The following TRRAP variants were observed in gnomAD, a reference collection of about 807,000 sequenced individuals.
TRRAP encodes the protein transformation/transcription domain associated protein.
A neutral mutation model predicts 438.8 loss-of-function variants in TRRAP; 41 were observed. The observed-to-expected ratio is 0.09, with a 90% CI of 0.07 to 0.12. TRRAP has a LOEUF of 0.12. TRRAP is among the 10% of genes least tolerant of loss of function. TRRAP has a pLI of 1.00. For synonymous variants in TRRAP, 1,994 were observed against 1,962.9 expected, an observed-to-expected ratio of 1.02 and a Z score of -0.42; for missense variants, 3,122 against 5,055.1, an observed-to-expected ratio of 0.62 and a Z score of 11.60.
intron 3 of TRRAP, among the ~76,000 whole-genome samples, chr7:98,886,389 T>G (rs112422605): frequency 3.3e-5 from 5 of 151,362 alleles, no homozygotes; most frequent in East Asian, 1.9e-4. Context: ...TCTAGAGAGA[T>G]AGAGATAGAT....
In TRRAP at chr7:98,921,918, G is replaced by C. The variant is rs1230247284; in HGVS notation, c.2788G>C (p.Asp930His). The stretch of plus-strand genomic sequence containing the variant: ...CCCCAGCATCACTGTGGAGTTTTCC[G>C]ACTGCAAAGCTTCTCTCCAGCTCCC... The part of the protein sequence containing the change: ...QGPSITVEFS[D>H]CKASLQLPME... Residue 930 changes from aspartate (D) to histidine (H), a missense_variant, in exon 21 of 73, where the codon GAC becomes CAC. This residue lies in a region of TRRAP where 133 missense variants were observed against 188.6 expected (regional missense o/e 0.71). Transcript: ENST00000456197. 3 of 1,614,078 alleles carry C rather than the reference G, an allele frequency of 1.9e-6. No individual in the cohort carries two copies. The highest frequency in any genetic ancestry group is 1.7e-6 in the Non-Finnish European group (2 of 1,180,048).
intron 14 of TRRAP, 57 bp downstream of exon 14, chr7:98,909,019 A>G: frequency 9.2e-7 from 1 of 1,091,048 alleles, no homozygotes; most frequent in Non-Finnish European, 1.3e-6. Context: ...TTGTGGCTAA[A>G]TTTTTTTTTT....
chr7:98,983,556 T>A, intron 60 of TRRAP, 97 bp downstream of exon 60: 1 of 1,385,624 alleles, frequency 7.2e-7, no homozygotes. Flanking sequence ...TTTGGTTTGG[T>A]TTTTTTTTCC....
chr7:98,917,818 G>C, intron 20 of TRRAP, 139 bp downstream of exon 20: 1 of 1,249,318 alleles, frequency 8.0e-7, no homozygotes, highest in East Asian at 2.6e-5. Flanking sequence ...GAGTCTTCTG[G>C]TGGATTGAAA....
At position 98,903,393 on chromosome 7, in the gene TRRAP, G is replaced by A. The variant is rs1562933328; in HGVS notation, c.912G>A (p.Lys304=). Residue 304 remains lysine, a synonymous_variant, in exon 12 of 73, where the codon AAG becomes AAA. Transcript: ENST00000456197. ...IIRIYQELVT[K]YSQQMVKGML... ...TGTTCTTACAGGAGTTGGTGACTAAGTATTCTCAGCAGATGGTGAAAGGAA... is the reference window on the plus strand; with the variant it reads ...TGTTCTTACAGGAGTTGGTGACTAAATATTCTCAGCAGATGGTGAAAGGAA... 1 of 1,614,220 alleles carries A rather than the reference G, an allele frequency of 6.2e-7. No homozygotes were observed.
intron 52 of TRRAP, among the ~76,000 whole-genome samples, chr7:98,970,834 A>G (rs1221466720): frequency 1.3e-5 from 2 of 152,136 alleles, no homozygotes; most frequent in Non-Finnish European, 2.9e-5. Context: ...CTCAGAACCC[A>G]TGTCTCTGCC....
intron 62 of TRRAP, among the ~76,000 whole-genome samples, 176 bp from the exon 63 acceptor site, chr7:98,988,589 G>A (rs1290129260): frequency 6.6e-6 from 1 of 152,154 alleles, no homozygotes; most frequent in East Asian, 1.9e-4. Context: ...CAGACTGCAG[G>A]TTCCCAGGGG....
chr7:99,007,887 G>A (rs1475503954), intron 69 of TRRAP, among the ~76,000 whole-genome samples: 2 of 149,964 alleles, frequency 1.3e-5, no homozygotes, highest in South Asian at 2.1e-4. Context: ...GTGCTGTGGC[G>A]TGATCTCGGC....
chr7:98,978,336 C>T lies in TRRAP; in HGVS notation c.8498+13C>T. 3 of 1,602,678 alleles carry T rather than the reference C, an allele frequency of 1.9e-6. No individual in the cohort carries two copies. The highest frequency in any genetic ancestry group is 1.1e-5 in the South Asian group (1 of 90,706). On this transcript the variant is annotated intron_variant, in intron 57 of 72. Transcript: ENST00000456197. The stretch of plus-strand genomic sequence containing the variant: ...ACCACTGGATTCGGTAAGCCAAACA[C>T]AGTGCTTGACGTGTGCATGAATCAG...
chr7:98,879,203 C>T (rs1028923901), intron 1 of TRRAP, among the ~76,000 whole-genome samples: 1 of 152,132 alleles, frequency 6.6e-6, no homozygotes, highest in African/African-American at 2.4e-5. Flanking sequence ...GCCAGCCCGG[C>T]CTGGGCCTTC....
chr7:98,974,227 G>A (rs1792546558), intron 53 of TRRAP, among the ~76,000 whole-genome samples: 1 of 152,160 alleles, frequency 6.6e-6, no homozygotes, highest in South Asian at 2.1e-4. Flanking sequence ...GTATTTATGG[G>A]AGTTGAGATT....
Position 98,953,561 on chromosome 7 carries a change from G to C in TRRAP, c.5730+128G>C, listed in dbSNP as rs921812656. 4 of 1,314,794 alleles carry C rather than the reference G, an allele frequency of 3.0e-6. No homozygotes were observed. The African/African-American group carries it at 5.9e-5, about 19-fold the overall frequency. The allele number at this position is 1,314,794 out of a possible 1,614,324, so 81.4% of individuals were successfully genotyped here. On this transcript the variant is annotated intron_variant, in intron 40 of 72. Coordinates refer to ENST00000456197, the MANE Select transcript of TRRAP (RefSeq NM_001375524.1). ...AACCAATAAAAACCATGAAAACACAGACACTGTATGATTCCACTTAGAAGA... is the reference window on the plus strand; with the variant it reads ...AACCAATAAAAACCATGAAAACACACACACTGTATGATTCCACTTAGAAGA...
At chr7:99,003,466 G>A (rs897919799) in intron 67 of TRRAP, among the ~76,000 whole-genome samples, 7 of 152,256 alleles carry the variant, frequency 4.6e-5, no homozygotes, top group South Asian at 2.1e-4. Context: ...GCTCAGAGGC[G>A]GGGTTGCCGT....
intron 7 of TRRAP, among the ~76,000 whole-genome samples, chr7:98,897,177 G>A (rs1554405880): frequency 6.6e-6 from 1 of 152,206 alleles, no homozygotes; most frequent in Non-Finnish European, 1.5e-5. Flanking sequence ...GGAAGTTGCA[G>A]TGAGCCAAGA....
Position 98,956,205 on chromosome 7 carries a change from GGGCT to G in TRRAP, c.5998_6001del (p.Gly2000SerfsTer65). On this transcript the variant is annotated frameshift_variant, in exon 42 of 73. Coordinates refer to ENST00000456197, the MANE Select transcript of TRRAP (RefSeq NM_001375524.1). LOFTEE classifies it high-confidence loss of function. The surrounding 1 kb of genome is among the most constrained non-coding windows in gnomAD (Gnocchi z 4.5). ...ACATGGTGAGCGCCATGCAGAGGCTGGGCTTCACGCCCAGTGTCACCATCGAGCA... is the reference window on the plus strand; with the variant it reads ...ACATGGTGAGCGCCATGCAGAGGCTGTCACGCCCAGTGTCACCATCGAGCA... The G allele has an allele frequency of 1.2e-6, 2 of 1,613,532 alleles. No individual in the cohort carries two copies. Among genetic ancestry groups the G allele is most frequent in the Non-Finnish European group, 1.7e-6 (2 of 1,180,020 alleles).
chr7:98,931,007 G>T (rs1790298956), intron 25 of TRRAP, among the ~76,000 whole-genome samples, 177 bp downstream of exon 25: 1 of 152,194 alleles, frequency 6.6e-6, no homozygotes, highest in South Asian at 2.1e-4. Context: ...TAGGCCTTCT[G>T]TGGGTATCTA....
rs1554407937 is a variant in TRRAP, at chr7:98,908,728, G to A, written c.1116G>A (p.Arg372=). ...GSGYTARETL[R]PLAYSTLADL... is the part of the protein sequence containing the mutation. ...CACTAGTCGAGGTCTCTGCCCGCAG[G>A]CCCCTCGCCTACAGCACGCTGGCCG... Residue 372 remains arginine, a splice_region_variant and synonymous_variant, in exon 14 of 73, where the codon AGG becomes AGA. Coordinates refer to ENST00000456197, the MANE Select transcript of TRRAP (RefSeq NM_001375524.1). This position sits in a 1 kb window ranked among gnomAD's most constrained non-coding sequence, Gnocchi z 4.1. The A allele has an allele frequency of 3.2e-6, 5 of 1,547,060 alleles. No individual in the cohort carries two copies. The highest frequency in any genetic ancestry group is 1.4e-5 in the African/African-American group (1 of 73,076).
Position 99,012,030 on chromosome 7 carries a change from CTTGGTTAAA to C in TRRAP, c.11338-40_11338-32del. 6.3e-7 allele frequency: 1 copy of C among 1,598,000 alleles called. No individual in the cohort carries two copies. Among genetic ancestry groups the C allele is most frequent in the Non-Finnish European group, 8.5e-7 (1 of 1,169,762 alleles). ...TAGGAAGCTGCCCCTGTGGGCTGTTCTTGGTTAAACACAAGTCGTCTCGTTCTCTCCCTC... is the reference window on the plus strand; with the variant it reads ...TAGGAAGCTGCCCCTGTGGGCTGTTCCACAAGTCGTCTCGTTCTCTCCCTC... On this transcript the variant is annotated intron_variant, in intron 72 of 72. Coordinates refer to ENST00000456197, the MANE Select transcript of TRRAP (RefSeq NM_001375524.1). The surrounding 1 kb of genome is among the most constrained non-coding windows in gnomAD (Gnocchi z 5.9).
chr7:98,935,359 G>A (rs1790513018), intron 27 of TRRAP, among the ~76,000 whole-genome samples: 1 of 152,140 alleles, frequency 6.6e-6, no homozygotes, highest in Non-Finnish European at 1.5e-5. Flanking sequence ...GAGTGGGTGA[G>A]AAAGTGTCTA....
Sources: gnomAD v4.1 joint callset for allele counts (sites outside exome capture counted in the v4.1 genomes callset) on GRCh38, gnomAD v4.1.1 for gene constraint, gnomAD v4.1.1 regional missense constraint, Gnocchi (gnomAD v3.1) non-coding constraint, MANE v1.5 for transcripts, NCBI Gene and HGNC (gene_info 2026-07-23, HGNC 2026-07-21) for gene names.